GLYAT: variants seen among roughly 807,000 people sequenced by gnomAD.
The protein encoded by GLYAT is glycine-N-acyltransferase.
In GLYAT, 25 loss-of-function variants were observed where a neutral mutation model predicts 22.8. That is an observed-to-expected ratio of 1.09 (90% CI 0.80 to 1.53). The LOEUF (loss-of-function observed/expected upper bound fraction) is 1.53. Among genes scored for constraint, GLYAT ranks in the 40% most tolerant of loss-of-function variants. GLYAT has a pLI of 0.00. For missense variants in GLYAT, 411 were observed against 353.9 expected, an observed-to-expected ratio of 1.16 and a Z score of -1.29; for synonymous variants, 140 against 122.7, an observed-to-expected ratio of 1.14 and a Z score of -0.93.
intron 1 of GLYAT, among the ~76,000 whole-genome samples, chr11:58,728,980 A>G (rs746038009): frequency 6.6e-5 from 10 of 151,482 alleles, no homozygotes; most frequent in South Asian, 2.1e-4. Context: ...AGGAAGGAAG[A>G]AAGGAAGGAA....
intron 1 of GLYAT, among the ~76,000 whole-genome samples, chr11:58,730,440 A>G (rs1490195654): frequency 2.0e-5 from 3 of 152,214 alleles, no homozygotes; most frequent in African/African-American, 7.2e-5. Flanking sequence ...TGTAAGCAGA[A>G]AAAAAGAATA....
chr11:58,727,851 G>A (rs927662898), intron 1 of GLYAT, among the ~76,000 whole-genome samples: 26 of 152,168 alleles, frequency 1.7e-4, no homozygotes, highest in African/African-American at 5.8e-4. Context: ...CACCTCTCAA[G>A]TTCTAGCAGA....
At chr11:58,724,829 C>A (rs187752751) in intron 1 of GLYAT, among the ~76,000 whole-genome samples, 1 of 152,018 alleles carries the variant, frequency 6.6e-6, no homozygotes, top group Non-Finnish European at 1.5e-5. Flanking sequence ...CCTCTGAGAA[C>A]GAGCTGTGTA....
At chr11:58,724,079 A>T (rs1856784328) in intron 2 of GLYAT, among the ~76,000 whole-genome samples, 1 of 152,128 alleles carries the variant, frequency 6.6e-6, no homozygotes, top group South Asian at 2.1e-4. Context: ...AAATGTTATT[A>T]TAAAATGCTT....
At chr11:58,725,830 T>C (rs1856806150) in intron 1 of GLYAT, among the ~76,000 whole-genome samples, 1 of 152,088 alleles carries the variant, frequency 6.6e-6, no homozygotes, top group African/African-American at 2.4e-5. Flanking sequence ...ATTCTTCCCA[T>C]GGGGGTGGGC....
chr11:58,728,101 C>T (rs1166186672), intron 1 of GLYAT, among the ~76,000 whole-genome samples: 1 of 112,106 alleles, frequency 8.9e-6, no homozygotes, highest in African/African-American at 3.5e-5. Flanking sequence ...CTTGCTCTGT[C>T]ACCCACACTG....
At chr11:58,726,595 C>T (rs559951176) in intron 1 of GLYAT, among the ~76,000 whole-genome samples, 6 of 152,218 alleles carry the variant, frequency 3.9e-5, no homozygotes, top group Admixed American at 3.9e-4. Flanking sequence ...ACTGAGAAGG[C>T]TAATTTGAGA....
chr11:58,721,493 T>G (rs1365578768), intron 2 of GLYAT, among the ~76,000 whole-genome samples: 1 of 151,708 alleles, frequency 6.6e-6, no homozygotes, highest in East Asian at 1.9e-4. Flanking sequence ...CAAAAAAACT[T>G]TTGCTCGAAA....
intron 2 of GLYAT, among the ~76,000 whole-genome samples, chr11:58,716,440 C>G (rs984039368): frequency 6.6e-6 from 1 of 151,962 alleles, no homozygotes; most frequent in Non-Finnish European, 1.5e-5. Flanking sequence ...GTGAAAAAAA[C>G]TCTAAATCGA....
chr11:58,727,621 C>T (rs1856823686), intron 1 of GLYAT, among the ~76,000 whole-genome samples: 1 of 152,150 alleles, frequency 6.6e-6, no homozygotes, highest in South Asian at 2.1e-4. Context: ...CCACAAGCCA[C>T]CTATCAGGTA....
chr11:58,715,941 A>G (rs529270392), intron 2 of GLYAT, among the ~76,000 whole-genome samples: 1 of 152,282 alleles, frequency 6.6e-6, no homozygotes, highest in South Asian at 2.1e-4. Flanking sequence ...TATCCAGAAG[A>G]GTAATTGCTG....
In GLYAT at chr11:58,709,645, G is replaced by A; in HGVS notation, c.*121C>T. On this transcript the variant is annotated 3_prime_UTR_variant, in exon 6 of 6. Coordinates refer to ENST00000344743, the MANE Select transcript of GLYAT (RefSeq NM_201648.3). ...TTGAACATCACACTGCTTCCCCAGAGTCCAAACAGTGCCCACTCCTTTACT... is the reference window on the plus strand; with the variant it reads ...TTGAACATCACACTGCTTCCCCAGAATCCAAACAGTGCCCACTCCTTTACT... 1 of 1,038,296 alleles carries A rather than the reference G, an allele frequency of 9.6e-7. No individual in the cohort carries two copies. The highest frequency in any genetic ancestry group is 2.4e-5 in the East Asian group (1 of 41,684). 64.3% of individuals were successfully genotyped at this position (1,038,296 alleles called of 1,614,324 possible). A position where few individuals can be genotyped will look rare whatever the true frequency, so the allele number is the denominator to read the frequency against.
At chr11:58,725,417 G>A (rs1247173340) in intron 1 of GLYAT, among the ~76,000 whole-genome samples, 3 of 152,168 alleles carry the variant, frequency 2.0e-5, no homozygotes, top group Non-Finnish European at 2.9e-5. Flanking sequence ...GTGATGTTTG[G>A]AAGAGAGCAA....
intron 2 of GLYAT, among the ~76,000 whole-genome samples, chr11:58,719,933 C>T (rs1421949459): frequency 6.6e-6 from 1 of 151,900 alleles, no homozygotes; most frequent in Non-Finnish European, 1.5e-5. Flanking sequence ...CTGTTCATGA[C>T]ATGCTTGGAA....
intron 2 of GLYAT, among the ~76,000 whole-genome samples, chr11:58,723,517 G>A (rs1358390320): frequency 6.6e-6 from 1 of 151,904 alleles, no homozygotes; most frequent in Non-Finnish European, 1.5e-5. Context: ...CTGAAAGAAG[G>A]GAATAACAAA....
rs147004000 is a variant in GLYAT at position 58,714,660 on chromosome 11, T to A, written c.189+656A>T. 2.4e-3 allele frequency among the ~76,000 whole-genome samples: 369 copies of A among 152,176 alleles called. 7 individuals carry two copies. In the East Asian group the frequency reaches 0.035, roughly 15 times the overall value. On this transcript the variant is annotated intron_variant, in intron 3 of 5. Transcript: ENST00000344743. ...GTGTCTTTGTGATAGTAAGTTTTCATGAGATCTGATGGTTTTATAAGGGGC... is the reference window on the plus strand; with the variant it reads ...GTGTCTTTGTGATAGTAAGTTTTCAAGAGATCTGATGGTTTTATAAGGGGC...
intron 2 of GLYAT, among the ~76,000 whole-genome samples, chr11:58,719,304 T>A: frequency 6.6e-6 from 1 of 151,958 alleles, no homozygotes; most frequent in East Asian, 1.9e-4. Flanking sequence ...AAAAACAGCA[T>A]GAAGCTAATT....
intron 3 of GLYAT, 26 bp downstream of exon 3, chr11:58,715,290 A>G (rs1232911851): frequency 2.1e-6 from 2 of 962,036 alleles, no homozygotes; most frequent in African/African-American, 1.6e-5. Flanking sequence ...ATAAATATAG[A>G]AGAATATTCA....
intron 1 of GLYAT, among the ~76,000 whole-genome samples, chr11:58,727,450 G>A (rs184046510): frequency 1.6e-4 from 25 of 152,302 alleles, no homozygotes; most frequent in Admixed American, 1.4e-3. Context: ...GATACAGGGT[G>A]CAGCTTCTTG....
Sources: gnomAD v4.1 joint callset for allele counts (sites outside exome capture counted in the v4.1 genomes callset) on GRCh38, gnomAD v4.1.1 for gene constraint, MANE v1.5 for transcripts, NCBI Gene and HGNC (gene_info 2026-07-23, HGNC 2026-07-21) for gene names.